The following UGT1A10 variants were observed in gnomAD, a reference collection of about 807,000 sequenced individuals.
UGT1A10 encodes the protein UDP-glucuronosyltransferase 1A10.
Under a neutral mutation model 45.8 loss-of-function variants are expected in UGT1A10, and 49 were observed. That is an observed-to-expected ratio of 1.07 (90% confidence interval 0.85 to 1.36). The LOEUF is 1.36. UGT1A10 is among the 40% of genes most tolerant of loss of function. The pLI is 0.00. For missense variants in UGT1A10, 745 were observed against 668.6 expected, an observed-to-expected ratio of 1.11 and a Z score of -1.26; for synonymous variants, 284 against 249.7, an observed-to-expected ratio of 1.14 and a Z score of -1.29.
chr2:233,672,265 G>T (rs377398548), intron 1 of UGT1A10: 1 of 1,613,982 alleles, frequency 6.2e-7, no homozygotes, highest in East Asian at 2.2e-5. Context: ...TCTATTAATG[G>T]GTTCATACAA....
At chr2:233,743,580 C>T (rs1377073083) in intron 1 of UGT1A10, 3 of 1,367,180 alleles carry the variant, frequency 2.2e-6, no homozygotes, top group Non-Finnish European at 2.9e-6. Context: ...CCCAAGAGGT[C>T]AAAGGAGAAT....
At chr2:233,701,747 G>C (rs1017552301) in intron 1 of UGT1A10, among the ~76,000 whole-genome samples, 1 of 152,128 alleles carries the variant, frequency 6.6e-6, no homozygotes, top group Non-Finnish European at 1.5e-5. Context: ...AATAACTACT[G>C]GGTACATAAC....
At chr2:233,647,873 T>G (rs1173467079) in intron 1 of UGT1A10, 1 of 1,423,160 alleles carries the variant, frequency 7.0e-7, no homozygotes, top group East Asian at 2.3e-5. Context: ...TTCTATTTCC[T>G]ATTTCATTGA....
chr2:233,636,696 C>T lies in UGT1A10; in HGVS notation c.174C>T (p.Val58=), dbSNP rs1453192033. The change falls in exon 1 of 5, where the codon GTC becomes GTT. Residue 58 remains valine, a synonymous_variant. Transcript: ENST00000344644. ...TCAGGGGGCATGAGGTGGTTGTAGTCATGCCAGAGGTGAGTTGGCAACTGG... is the reference window on the plus strand; with the variant it reads ...TCAGGGGGCATGAGGTGGTTGTAGTTATGCCAGAGGTGAGTTGGCAACTGG... ...LILRGHEVVV[V]MPEVSWQLER... 6 of 1,614,156 alleles carry T rather than the reference C, an allele frequency of 3.7e-6. No homozygotes were observed. In the African/African-American group the frequency reaches 6.7e-5, roughly 18 times the overall value.
chr2:233,697,681 T>C (rs990981606), intron 1 of UGT1A10, among the ~76,000 whole-genome samples: 1 of 152,138 alleles, frequency 6.6e-6, no homozygotes, highest in African/African-American at 2.4e-5. Context: ...ATTCAAAATA[T>C]TTCTGCTTTT....
chr2:233,754,953 C>T (rs1487058909), intron 1 of UGT1A10: 2 of 1,319,926 alleles, frequency 1.5e-6, no homozygotes, highest in South Asian at 1.1e-5. Context: ...TGGGTCCCGG[C>T]CGCCAAAGAA....
At chr2:233,650,044 C>T (rs2073700923) in intron 1 of UGT1A10, among the ~76,000 whole-genome samples, 1 of 152,292 alleles carries the variant, frequency 6.6e-6, no homozygotes, top group East Asian at 1.9e-4. Flanking sequence ...GATCTTGGCT[C>T]ACCACAACCT....
At chr2:233,713,415 C>A (rs3755320) in intron 1 of UGT1A10, 158,193 of 1,614,046 alleles carry the variant, frequency 0.098, 8,780 homozygotes, top group South Asian at 0.2. Flanking sequence ...CAGGCACCTG[C>A]ATGCTACTTC....
chr2:233,694,538 T>C (rs530909274), intron 1 of UGT1A10, among the ~76,000 whole-genome samples: 2 of 152,192 alleles, frequency 1.3e-5, no homozygotes, highest in African/African-American at 4.8e-5. Context: ...CAGAGTTACT[T>C]TGGAAAATAA....
chr2:233,731,860 A>G (rs2078213759), intron 1 of UGT1A10, among the ~76,000 whole-genome samples: 1 of 152,222 alleles, frequency 6.6e-6, no homozygotes, highest in Non-Finnish European at 1.5e-5. Context: ...GAATCGCCAC[A>G]CTGTCTTCCA....
At chr2:233,699,906 G>A (rs1227572101) in intron 1 of UGT1A10, among the ~76,000 whole-genome samples, 2 of 152,172 alleles carry the variant, frequency 1.3e-5, no homozygotes, top group African/African-American at 4.8e-5. Context: ...ATAGTCAGTA[G>A]GATATACGTA....
intron 1 of UGT1A10, chr2:233,748,181 C>A: frequency 1.3e-6 from 2 of 1,573,702 alleles, no homozygotes; most frequent in Non-Finnish European, 1.7e-6. Flanking sequence ...CTTTCTGGTG[C>A]TTTTATTTCT....
intron 1 of UGT1A10, chr2:233,682,383 CT>C (rs1559339628): frequency 6.2e-7 from 1 of 1,613,858 alleles, no homozygotes; most frequent in Non-Finnish European, 8.5e-7. Flanking sequence ...TTTCTCGATC[CT>C]TTTGATGCCT....
At chr2:233,660,056 A>G (rs1205085775) in intron 1 of UGT1A10, among the ~76,000 whole-genome samples, 1 of 152,090 alleles carries the variant, frequency 6.6e-6, no homozygotes, top group African/African-American at 2.4e-5. Context: ...CATATCCACA[A>G]TTTCTTTCAT....
intron 1 of UGT1A10, among the ~76,000 whole-genome samples, chr2:233,715,509 C>T (rs991063274): frequency 6.6e-6 from 1 of 152,138 alleles, no homozygotes; most frequent in Non-Finnish European, 1.5e-5. Flanking sequence ...GGGTAGCTCA[C>T]ACCTGTAATT....
chr2:233,677,370 C>A (rs1449939444), intron 1 of UGT1A10, among the ~76,000 whole-genome samples: 2 of 152,006 alleles, frequency 1.3e-5, no homozygotes, highest in African/African-American at 2.4e-5. Flanking sequence ...GGGGACCAAC[C>A]CGTGTGTAGT....
intron 1 of UGT1A10, among the ~76,000 whole-genome samples, chr2:233,711,301 G>T (rs1575495377): frequency 6.6e-6 from 1 of 152,358 alleles, no homozygotes; most frequent in East Asian, 1.9e-4. Flanking sequence ...GTAGAAATTA[G>T]ATGACATTGG....
At chr2:233,660,374 G>T (rs570084965) in intron 1 of UGT1A10, among the ~76,000 whole-genome samples, 27 of 152,236 alleles carry the variant, frequency 1.8e-4, no homozygotes, top group Middle Eastern at 3.4e-3. Context: ...GACCACTTTG[G>T]CTCCTTTTGT....
intron 1 of UGT1A10, among the ~76,000 whole-genome samples, chr2:233,709,853 C>T (rs1247247168): frequency 6.6e-6 from 1 of 152,196 alleles, no homozygotes; most frequent in Non-Finnish European, 1.5e-5. Flanking sequence ...ACATTCAAGA[C>T]ACGGAGCACT....
Sources: gnomAD v4.1 joint callset for allele counts (sites outside exome capture counted in the v4.1 genomes callset) on GRCh38, gnomAD v4.1.1 for gene constraint, MANE v1.5 for transcripts, NCBI Gene and HGNC (gene_info 2026-07-23, HGNC 2026-07-21) for gene names.